SWT1: variants seen among roughly 807,000 people sequenced by gnomAD.
SWT1 encodes SWT1 RNA endoribonuclease homolog, also known as transcriptional protein SWT1.
SWT1 carries 33 observed loss-of-function variants against 107.3 expected under a neutral mutation model. That is an observed-to-expected ratio of 0.31 (90% CI 0.23 to 0.41). The LOEUF (loss-of-function observed/expected upper bound fraction) is 0.41. SWT1 is among the 10% of genes least tolerant of loss of function. The pLI is 1.00. For missense variants in SWT1, 898 were observed against 1,028.9 expected, an observed-to-expected ratio of 0.87 and a Z score of 1.74; for synonymous variants, 345 against 348.3, an observed-to-expected ratio of 0.99 and a Z score of 0.11.
At chr1:185,198,969 G>A (rs1016378607) in intron 10 of SWT1, among the ~76,000 whole-genome samples, 13 of 143,406 alleles carry the variant, frequency 9.1e-5, no homozygotes, top group East Asian at 2.0e-4. Flanking sequence ...GACGAGTCTC[G>A]CTCTGTCATC....
At chr1:185,175,626 C>T (rs1182209455) in intron 5 of SWT1, among the ~76,000 whole-genome samples, 3 of 151,992 alleles carry the variant, frequency 2.0e-5, no homozygotes, top group Non-Finnish European at 4.4e-5. Flanking sequence ...CTCTTTAATT[C>T]CAACTTTTTT....
intron 16 of SWT1, among the ~76,000 whole-genome samples, chr1:185,270,612 G>A (rs1350838627): frequency 1.3e-5 from 2 of 152,138 alleles, no homozygotes; most frequent in East Asian, 3.8e-4. Context: ...GGGAGTCTGA[G>A]GTGGAAGGAT....
intron 18 of SWT1, among the ~76,000 whole-genome samples, chr1:185,287,316 C>G (rs1372161011): frequency 1.3e-5 from 2 of 152,118 alleles, no homozygotes; most frequent in Non-Finnish European, 2.9e-5. Context: ...ATAGGAAAAT[C>G]TAGAGAAATA....
At chr1:185,252,157 A>C (rs969955687) in intron 16 of SWT1, among the ~76,000 whole-genome samples, 41 of 152,208 alleles carry the variant, frequency 2.7e-4, no homozygotes, top group Non-Finnish European at 5.9e-4. Flanking sequence ...TATATGTGCC[A>C]CATTTTCTTA....
rs199934369 is a variant in SWT1 at position 185,175,121 on chromosome 1, A to G, written c.966+8A>G. 2.9e-5 allele frequency: 43 copies of G among 1,496,652 alleles called. 1 individual carries two copies. In the African/African-American group the frequency reaches 5.6e-4, roughly 20 times the overall value. 92.7% of individuals were successfully genotyped at this position (1,496,652 alleles called of 1,614,324 possible). ...AGGGAAAACCTAACCCAGGTAAGGT[A>G]GTAAAAAATGAAGAATATAGGTTTT... On this transcript the variant is annotated splice_region_variant and intron_variant, in intron 5 of 18. Coordinates refer to ENST00000367500, the MANE Select transcript of SWT1 (RefSeq NM_017673.7).
intron 4 of SWT1, among the ~76,000 whole-genome samples, chr1:185,168,844 G>A (rs1261679472): frequency 6.6e-6 from 1 of 152,182 alleles, no homozygotes; most frequent in Non-Finnish European, 1.5e-5. Context: ...AGAACTTGGG[G>A]AATGATGGTT....
At chr1:185,218,218 T>C (rs1659370137) in intron 14 of SWT1, among the ~76,000 whole-genome samples, 1 of 152,222 alleles carries the variant, frequency 6.6e-6, no homozygotes, top group Non-Finnish European at 1.5e-5. Flanking sequence ...AATCTTAATT[T>C]ATTAAGTGTA....
At position 185,231,736 on chromosome 1, in the gene SWT1, T is replaced by C. The variant is rs1318488165; in HGVS notation, c.2441+28T>C. On this transcript the variant is annotated intron_variant, in intron 16 of 18. Transcript: ENST00000367500. ...AAACACTATATTAATTTTAAAGTGT[T>C]ATTTACTTATTACTTTTCTCTTTCT... is the stretch of plus-strand genomic sequence containing the variant. 4 of 1,549,026 alleles carry C rather than the reference T, an allele frequency of 2.6e-6. No individual in the cohort carries two copies. The South Asian group carries it at 4.6e-5, about 18-fold the overall frequency.
chr1:185,213,886 G>A (rs1201499574), intron 13 of SWT1, among the ~76,000 whole-genome samples: 1 of 152,080 alleles, frequency 6.6e-6, no homozygotes, highest in African/African-American at 2.4e-5. Context: ...ATTATTGTTT[G>A]TAGATTTTCT....
In SWT1 at chr1:185,197,558, T is replaced by C. The variant is rs568082829; in HGVS notation, c.1524-5096T>C. Among the ~76,000 whole-genome samples, 7 of 152,314 alleles carry C rather than the reference T, an allele frequency of 4.6e-5. No homozygotes were observed. The East Asian group carries it at 1.3e-3, about 29-fold the overall frequency. On this transcript the variant is annotated intron_variant, in intron 10 of 18. Coordinates refer to ENST00000367500, the MANE Select transcript of SWT1 (RefSeq NM_017673.7). ...TGCCAGCTTCTCTTTGTTCCTCTAG[T>C]AGAATTTGGCTGTGAATCCGTCTGG...
chr1:185,219,182 G>C (rs377047206), intron 14 of SWT1, among the ~76,000 whole-genome samples: 1 of 152,046 alleles, frequency 6.6e-6, no homozygotes, highest in Admixed American at 6.6e-5. Context: ...GATAAAGAAG[G>C]GTAACATTTA....
chr1:185,290,661 C>A lies in SWT1; in HGVS notation c.2574-13C>A. On this transcript the variant is annotated splice_polypyrimidine_tract_variant and intron_variant, in intron 18 of 18. Coordinates refer to ENST00000367500, the MANE Select transcript of SWT1 (RefSeq NM_017673.7). ...GCTGTCTTGCAATGATTTAATATTT[C>A]TTTTTCTCCTAGGGAAAAGTTAACC... The A allele has an allele frequency of 6.4e-7, 1 of 1,555,916 alleles. No homozygotes were observed. The highest frequency in any genetic ancestry group is 8.7e-7 in the Non-Finnish European group (1 of 1,149,976).
At chr1:185,182,472 A>G (rs1656097690) in intron 7 of SWT1, among the ~76,000 whole-genome samples, 1 of 152,084 alleles carries the variant, frequency 6.6e-6, no homozygotes, top group Non-Finnish European at 1.5e-5. Flanking sequence ...GTTCAAGACC[A>G]GCCTGGGCAG....
Position 185,202,814 on chromosome 1 carries a change from A to G in SWT1, c.1669+15A>G, listed in dbSNP as rs376118550. ...GTTGAAAGCAGGTAGTATTTTTACT[A>G]TAAATAATTAGAGATATATCTTATT... On this transcript the variant is annotated intron_variant, in intron 11 of 18. Transcript: ENST00000367500. 6.9e-5 allele frequency: 98 copies of G among 1,413,078 alleles called. 1 individual carries two copies. The South Asian group carries it at 1.0e-3, about 15-fold the overall frequency. The allele number at this position is 1,413,078 out of a possible 1,614,324, so 87.5% of individuals were successfully genotyped here.
At chr1:185,202,523 G>T (rs1298810819) in intron 10 of SWT1, 131 bp from the exon 11 acceptor site, 9 of 615,484 alleles carry the variant, frequency 1.5e-5, no homozygotes, top group Non-Finnish European at 2.1e-5. Context: ...TTTTAAAAAA[G>T]TTGTTATTCT....
intron 7 of SWT1, among the ~76,000 whole-genome samples, chr1:185,184,033 T>C (rs541932324): frequency 1.3e-5 from 2 of 152,260 alleles, no homozygotes; most frequent in South Asian, 4.1e-4. Flanking sequence ...CCTTAATTGA[T>C]TGGGGAGAAA....
intron 11 of SWT1, among the ~76,000 whole-genome samples, chr1:185,203,638 A>AT (rs1282946020): frequency 6.6e-6 from 1 of 151,906 alleles, no homozygotes; most frequent in Non-Finnish European, 1.5e-5. Flanking sequence ...AAAAAAAAAA[A>AT]GTAAGGACAA....
At chr1:185,208,433 G>A (rs908576454) in intron 13 of SWT1, among the ~76,000 whole-genome samples, 3 of 152,138 alleles carry the variant, frequency 2.0e-5, no homozygotes, top group Admixed American at 1.3e-4. Flanking sequence ...AAGTTCTGGT[G>A]TTCTGCTGCA....
At chr1:185,180,370 A>G (rs768564550) in intron 5 of SWT1, 21 bp from the exon 6 acceptor site, 10 of 1,599,200 alleles carry the variant, frequency 6.3e-6, no homozygotes, top group Non-Finnish European at 8.6e-6. Context: ...TTCTTAGCTA[A>G]TGAAATTACT....
Sources: gnomAD v4.1 joint callset for allele counts (sites outside exome capture counted in the v4.1 genomes callset) on GRCh38, gnomAD v4.1.1 for gene constraint, MANE v1.5 for transcripts, NCBI Gene and HGNC (gene_info 2026-07-23, HGNC 2026-07-21) for gene names.